The following SAMMSON variants were observed in gnomAD, a reference collection of about 807,000 sequenced individuals.
SAMMSON encodes long intergenic non-protein coding RNA 1212.
At chr3:70,081,927 T>G (rs2067269370) in intron 4 of SAMMSON, among the ~76,000 whole-genome samples, 1 of 152,110 alleles carries the variant, frequency 6.6e-6, no homozygotes, top group African/African-American at 2.4e-5. Flanking sequence ...GAGTTTAGGG[T>G]AAGGAGTGTA....
chr3:70,196,814 A>G, intron 4 of SAMMSON: 1 of 397,324 alleles, frequency 2.5e-6, no homozygotes, highest in East Asian at 3.6e-5. Context: ...GGCCTATAGC[A>G]TCCAAGAAAT....
chr3:70,428,682 A>T (rs1316437610), intron 2 of SAMMSON, among the ~76,000 whole-genome samples: 1 of 152,216 alleles, frequency 6.6e-6, no homozygotes, highest in African/African-American at 2.4e-5. Flanking sequence ...TAATTAGTGC[A>T]AATTATAAAG....
At chr3:70,184,371 A>C (rs1701076068) in intron 4 of SAMMSON, among the ~76,000 whole-genome samples, 1 of 152,178 alleles carries the variant, frequency 6.6e-6, no homozygotes, top group African/African-American at 2.4e-5. Flanking sequence ...ACTTGATCTT[A>C]GAGTGCTTTT....
At chr3:70,252,706 T>C (rs1701780873) in intron 6 of SAMMSON, among the ~76,000 whole-genome samples, 1 of 152,324 alleles carries the variant, frequency 6.6e-6, no homozygotes, top group African/African-American at 2.4e-5. Flanking sequence ...TTTATTTTTT[T>C]AAATTGAATG....
chr3:70,195,185 C>T (rs966211817), intron 4 of SAMMSON, among the ~76,000 whole-genome samples: 1 of 152,156 alleles, frequency 6.6e-6, no homozygotes, highest in Non-Finnish European at 1.5e-5. Context: ...TAAGAACAGC[C>T]TTATGTTCCC....
intron 4 of SAMMSON, among the ~76,000 whole-genome samples, chr3:70,131,650 G>A (rs953748644): frequency 6.6e-6 from 1 of 152,114 alleles, no homozygotes; most frequent in Admixed American, 6.6e-5. Flanking sequence ...GCATGATCAT[G>A]GCTCATTGCA....
intron 3 of SAMMSON, among the ~76,000 whole-genome samples, chr3:70,022,391 T>G (rs1450540863): frequency 7.2e-6 from 1 of 139,746 alleles, no homozygotes; most frequent in Non-Finnish European, 1.5e-5. Context: ...ACTTACACAT[T>G]GTGCACATGT....
intron 3 of SAMMSON, among the ~76,000 whole-genome samples, chr3:70,048,180 G>C (rs1001692620): frequency 2.6e-5 from 4 of 152,000 alleles, no homozygotes; most frequent in Non-Finnish European, 5.9e-5. Flanking sequence ...TGAATACAAT[G>C]ATGAGCAGAA....
In SAMMSON at chr3:70,220,055, C is replaced by T. The variant is rs117773218; in HGVS notation, n.508-29052C>T. ...ATAAAGAAAAGATTTTTCAAGTACC[C>T]AGGCAAGGAAAACTAGATCAAATGA... On this transcript the variant is annotated intron_variant and non_coding_transcript_variant, in intron 4 of 9. Transcript: ENST00000642114. Among the ~76,000 whole-genome samples, 1,041 of 152,114 alleles carry T rather than the reference C, an allele frequency of 6.8e-3. 61 individuals carry two copies. In the East Asian group the frequency reaches 0.15, roughly 22 times the overall value.
intron 4 of SAMMSON, among the ~76,000 whole-genome samples, chr3:70,185,554 A>G (rs1242652709): frequency 6.6e-6 from 1 of 152,112 alleles, no homozygotes; most frequent in Non-Finnish European, 1.5e-5. Flanking sequence ...AGCATGAATA[A>G]CCCTTGGGTT....
intron 6 of SAMMSON, among the ~76,000 whole-genome samples, chr3:70,269,555 G>A (rs1377896535): frequency 6.6e-6 from 1 of 152,100 alleles, no homozygotes; most frequent in African/African-American, 2.4e-5. Context: ...CCACGTAGCA[G>A]GGTTGGAGTC....
intron 6 of SAMMSON, among the ~76,000 whole-genome samples, chr3:70,252,282 C>T (rs192981133): frequency 4.6e-4 from 70 of 152,198 alleles, no homozygotes; most frequent in Non-Finnish European, 6.8e-4. Context: ...GTATATGTAT[C>T]GTATGCTGTG....
intron 9 of SAMMSON, among the ~76,000 whole-genome samples, chr3:70,367,989 A>T (rs1487006621): frequency 6.7e-6 from 1 of 149,790 alleles, no homozygotes; most frequent in Non-Finnish European, 1.5e-5. Context: ...GAGTTTGAAG[A>T]GTTTTTTATA....
intron 3 of SAMMSON, among the ~76,000 whole-genome samples, chr3:70,016,060 A>G (rs199922306): frequency 6.6e-6 from 1 of 152,130 alleles, no homozygotes; most frequent in East Asian, 1.9e-4. Flanking sequence ...ATGATTTATA[A>G]TCCTTTGGGT....
intron 4 of SAMMSON, among the ~76,000 whole-genome samples, chr3:70,155,285 A>C (rs1175744647): frequency 6.6e-6 from 1 of 151,944 alleles, no homozygotes; most frequent in South Asian, 2.1e-4. Flanking sequence ...GAAATCCCTC[A>C]GCCCAATGCA....
At chr3:70,393,803 A>C (rs1363992019), downstream of SAMMSON, among the ~76,000 whole-genome samples, 1 of 152,054 alleles carries the variant, frequency 6.6e-6, no homozygotes, top group Non-Finnish European at 1.5e-5. Flanking sequence ...GTAGGGGCGG[A>C]GCTCAGACAG....
intron 3 of SAMMSON, among the ~76,000 whole-genome samples, chr3:70,039,592 T>TACACACACAC (rs1559778544): frequency 1.3e-4 from 12 of 90,184 alleles, no homozygotes; most frequent in African/African-American, 5.1e-4. Flanking sequence ...AACACATCTC[T>TACACACACAC]TCACACACAC....
chr3:70,034,998 C>A (rs1489247662), intron 3 of SAMMSON, among the ~76,000 whole-genome samples: 2 of 152,264 alleles, frequency 1.3e-5, no homozygotes, highest in East Asian at 3.9e-4. Context: ...AATGACCTCA[C>A]AGATATATAG....
chr3:70,173,558 G>A (rs942196680), intron 4 of SAMMSON, among the ~76,000 whole-genome samples: 21 of 151,888 alleles, frequency 1.4e-4, no homozygotes, highest in South Asian at 6.2e-4. Context: ...GCCCTCTCAC[G>A]ACTTTTGCAT....
Sources: gnomAD v4.1 joint callset for allele counts (sites outside exome capture counted in the v4.1 genomes callset) on GRCh38, gnomAD v4.1.1 for gene constraint, MANE v1.5 for transcripts, NCBI Gene and HGNC (gene_info 2026-07-23, HGNC 2026-07-21) for gene names.